The following KLHDC7B variants were observed in gnomAD, a reference collection of about 807,000 sequenced individuals.
KLHDC7B encodes kelch domain containing 7B.
In KLHDC7B, 1 loss-of-function variant was observed where a neutral mutation model predicts 0.6. The ratio of observed to expected loss-of-function variants is 1.71; its 90% CI spans 0.61 to 8.11. The LOEUF (loss-of-function observed/expected upper bound fraction) is 8.11. Ranked by LOEUF, KLHDC7B falls within the 30% of genes most tolerant of loss-of-function variation. The pLI, the probability that KLHDC7B is intolerant of heterozygous loss-of-function variation, is 0.13. For synonymous variants in KLHDC7B, 462 were observed against 405.2 expected (o/e 1.14, Z -1.68); for missense variants, 993 against 894.9 (o/e 1.11, Z -1.40).
chr22:50,548,310 C>G lies in KLHDC7B; in HGVS notation c.2067C>G (p.Val689=). ...RHGPSSSVGT[V]IGTGTGGLVE... is the part of the protein sequence containing the mutation. ...GCCCCTCTTCTTCAGTGGGGACAGT[C>G]ATAGGGACAGGTACAGGGGGCCTGG... Residue 689 remains valine (V), a synonymous_variant, in exon 1 of 1, where the codon GTC becomes GTG. Transcript: ENST00000648057. This position sits in a 1 kb window ranked among gnomAD's most constrained non-coding sequence, Gnocchi z 5.3. 6.4e-7 allele frequency: 1 copy of G among 1,551,120 alleles called. No individual in the cohort carries two copies. Among genetic ancestry groups the G allele is most frequent in the Non-Finnish European group, 8.7e-7 (1 of 1,146,952 alleles).
rs779937562 is a variant in KLHDC7B, at chr22:50,548,773, T to C, written c.2530T>C (p.Ser844Pro). The change falls in exon 1 of 1, where the codon TCC becomes CCC. Residue 844 changes from serine (S) to proline (P), a missense_variant. Transcript: ENST00000648057. The surrounding 1 kb of genome is among the most constrained non-coding windows in gnomAD (Gnocchi z 5.3). ...GVVEGPRKPSSRALEPATAAA... is the reference protein window; with the variant it reads ...GVVEGPRKPSPRALEPATAAA... ...GGTGGAGGGGCCCCGGAAGCCCAGC[T>C]CCCGGGCCCTGGAGCCCGCCACGGC... The C allele has an allele frequency of 6.9e-7, 1 of 1,448,404 alleles. No individual in the cohort carries two copies. The allele number at this position is 1,448,404 out of a possible 1,614,324, so 89.7% of individuals were successfully genotyped here.
Position 50,546,063 on chromosome 22 carries a change from C to T in KLHDC7B, c.-181C>T, listed in dbSNP as rs2069725692. Among the ~76,000 whole-genome samples, 1 of 152,166 alleles carries T rather than the reference C, an allele frequency of 6.6e-6. No individual in the cohort carries two copies. ...CTGTCTCCTGATATCTGCAGCCAGG[C>T]CCTACTGACACCCCCAGGCCTGAGT... On this transcript the variant is annotated 5_prime_UTR_variant, in exon 1 of 1. Coordinates refer to ENST00000648057, the MANE Select transcript of KLHDC7B (RefSeq NM_138433.5).
rs530293919 is a variant in KLHDC7B at position 50,547,036 on chromosome 22, G to C, written c.793G>C (p.Gly265Arg). Among the ~76,000 whole-genome samples the C allele has an allele frequency of 4.0e-5, 6 of 151,456 alleles. No homozygotes were observed. In the South Asian group the frequency reaches 6.2e-4, roughly 16 times the overall value. ...GGGGAGCGTGTGGGACGCGGTGGACGGGGCCGCCGCCCTGGACGCCCACGC... is the reference window on the plus strand; with the variant it reads ...GGGGAGCGTGTGGGACGCGGTGGACCGGGCCGCCGCCCTGGACGCCCACGC... ...AAGSVWDAVD[G>R]AAALDAHARG... The change falls in exon 1 of 1, where the codon GGG becomes CGG. Residue 265 changes from glycine to arginine, a missense_variant. Transcript: ENST00000648057.
At position 50,548,945 on chromosome 22, in the gene KLHDC7B, A is replaced by G; in HGVS notation, c.2702A>G (p.Tyr901Cys). Residue 901 changes from tyrosine to cysteine, a missense_variant, in exon 1 of 1, where the codon TAC becomes TGC. Transcript: ENST00000648057. The surrounding 1 kb of genome is among the most constrained non-coding windows in gnomAD (Gnocchi z 5.3). The part of the protein sequence containing the change: ...LLRVLGDPCL[Y>C]RRLSAADRER... ...CGAGTGCTGGGAGACCCGTGCCTCT[A>G]CCGCCGGCTGAGCGCGGCCGACCGC... is the stretch of plus-strand genomic sequence containing the variant. 3 of 1,597,242 alleles carry G rather than the reference A, an allele frequency of 1.9e-6. No homozygotes were observed. Among genetic ancestry groups the G allele is most frequent in the Non-Finnish European group, 2.6e-6 (3 of 1,173,628 alleles).
Position 50,548,421 on chromosome 22 carries a change from G to T in KLHDC7B, c.2178G>T (p.Glu726Asp). 1 of 1,570,500 alleles carries T rather than the reference G, an allele frequency of 6.4e-7. No individual in the cohort carries two copies. Among genetic ancestry groups the T allele is most frequent in the Non-Finnish European group, 8.6e-7 (1 of 1,157,876 alleles). Residue 726 changes from glutamate to aspartate, a missense_variant, in exon 1 of 1, where the codon GAG becomes GAT. By Grantham distance (45) the Glu-to-Asp change is conservative. Coordinates refer to ENST00000648057, the MANE Select transcript of KLHDC7B (RefSeq NM_138433.5). This position sits in a 1 kb window ranked among gnomAD's most constrained non-coding sequence, Gnocchi z 5.3. The stretch of plus-strand genomic sequence containing the variant: ...ACCCTCCCCCAGGCCTAAGAGGAGA[G>T]GGAACCAGGGAGAAAAGTCTAGACC... ...SPDPPPGLRG[E>D]GTREKSLDPL...
chr22:50,549,744 G>GCCCCCC lies in KLHDC7B; in HGVS notation c.3504_3505insCCCCCC (p.Pro1168_Ala1169insProPro). On this transcript the variant is annotated inframe_insertion, in exon 1 of 1. Coordinates refer to ENST00000648057, the MANE Select transcript of KLHDC7B (RefSeq NM_138433.5). ...GGAGCAGGGCTGCCTCCCTGCCCCT[G>GCCCCCC]CCCGCCCCCGCCCCACTGCACTGCA... 2 of 1,554,582 alleles carry GCCCCCC rather than the reference G, an allele frequency of 1.3e-6. No homozygotes were observed. The highest frequency in any genetic ancestry group is 3.9e-5 in the Admixed American group (2 of 50,754).
rs768712315 is a variant in KLHDC7B, at chr22:50,548,516, C to T, written c.2273C>T (p.Ala758Val). Residue 758 changes from alanine (A) to valine (V), a missense_variant, in exon 1 of 1, where the codon GCC becomes GTC. Transcript: ENST00000648057. This position sits in a 1 kb window ranked among gnomAD's most constrained non-coding sequence, Gnocchi z 5.3. ...PPAQRPPGPAASSSARRSQPV... is the reference protein window; with the variant it reads ...PPAQRPPGPAVSSSARRSQPV... Reference sequence around the variant, plus strand: ...GCGCAGAGGCCGCCTGGCCCCGCGGCCTCCTCCTCTGCGAGGCGCTCACAG... The same window carrying T: ...GCGCAGAGGCCGCCTGGCCCCGCGGTCTCCTCCTCTGCGAGGCGCTCACAG... 95 of 1,555,186 alleles carry T rather than the reference C, an allele frequency of 6.1e-5. No individual in the cohort carries two copies. Among genetic ancestry groups the T allele is most frequent in the Middle Eastern group, 5.1e-4 (3 of 5,908 alleles).
Position 50,546,579 on chromosome 22 carries a change from G to C in KLHDC7B, c.336G>C (p.Pro112=). 1 of 398,220 alleles carries C rather than the reference G, an allele frequency of 2.5e-6. No homozygotes were observed. Among genetic ancestry groups the C allele is most frequent in the Non-Finnish European group, 4.4e-6 (1 of 225,772 alleles). The allele number at this position is 398,220 out of a possible 1,614,324, so 24.7% of individuals were successfully genotyped here. Residue 112 remains proline (P), a synonymous_variant, in exon 1 of 1, where the codon CCG becomes CCC. Coordinates refer to ENST00000648057, the MANE Select transcript of KLHDC7B (RefSeq NM_138433.5). ...AGAGCCCTGTCCCTGCTGCAGCGCC[G>C]GGCGGGGGCCTGGCCGCCATGGCCC... ...GQQSPVPAAA[P]GGGLAAMARL...
At position 50,547,733 on chromosome 22, in the gene KLHDC7B, C is replaced by A; in HGVS notation, c.1490C>A (p.Thr497Asn). The change falls in exon 1 of 1, where the codon ACC becomes AAC. Residue 497 changes from threonine to asparagine, a missense_variant. Coordinates refer to ENST00000648057, the MANE Select transcript of KLHDC7B (RefSeq NM_138433.5). ...SPSSAPTSATTSTSSPTSAPA... is the reference protein window; with the variant it reads ...SPSSAPTSATNSTSSPTSAPA... ...AGCTCAGCACCAACCTCAGCCACCACCTCAACCTCATCCCCCACCTCAGCC... is the reference window on the plus strand; with the variant it reads ...AGCTCAGCACCAACCTCAGCCACCAACTCAACCTCATCCCCCACCTCAGCC... The A allele has an allele frequency of 2.0e-6, 1 of 489,206 alleles. No homozygotes were observed. The highest frequency in any genetic ancestry group is 3.2e-5 in the East Asian group (1 of 30,850). The allele number at this position is 489,206 out of a possible 1,614,324, so 30.3% of individuals were successfully genotyped here. A position where few individuals can be genotyped will look rare whatever the true frequency, so the allele number is the denominator to read the frequency against.
In KLHDC7B at chr22:50,548,585, C is replaced by T. The variant is rs894582758; in HGVS notation, c.2342C>T (p.Pro781Leu). Residue 781 changes from proline (P) to leucine (L), a missense_variant, in exon 1 of 1, where the codon CCG becomes CTG. By Grantham distance (98) the Pro-to-Leu change is moderately conservative (BLOSUM62 -3). Coordinates refer to ENST00000648057, the MANE Select transcript of KLHDC7B (RefSeq NM_138433.5). This position sits in a 1 kb window ranked among gnomAD's most constrained non-coding sequence, Gnocchi z 5.3. The part of the protein sequence containing the change: ...LRKRSRCEIA[P>L]SSEQEVRPAA... Reference sequence around the variant, plus strand: ...AAACGCAGCAGGTGCGAAATCGCCCCGAGCTCGGAGCAGGAGGTCAGGCCG... The same window carrying T: ...AAACGCAGCAGGTGCGAAATCGCCCTGAGCTCGGAGCAGGAGGTCAGGCCG... 5 of 1,546,476 alleles carry T rather than the reference C, an allele frequency of 3.2e-6. No homozygotes were observed. Among genetic ancestry groups the T allele is most frequent in the African/African-American group, 1.4e-5 (1 of 73,164 alleles).
rs1395917548 is a variant in KLHDC7B at position 50,548,387 on chromosome 22, C to G, written c.2144C>G (p.Pro715Arg). Residue 715 changes from proline (P) to arginine (R), a missense_variant, in exon 1 of 1, where the codon CCC becomes CGC. Transcript: ENST00000648057. This position sits in a 1 kb window ranked among gnomAD's most constrained non-coding sequence, Gnocchi z 5.3. ...QPRSSETNGSPSPDPPPGLRG... is the reference protein window; with the variant it reads ...QPRSSETNGSRSPDPPPGLRG... ...AGAAGCTCCGAGACCAACGGATCGCCCAGCCCAGACCCTCCCCCAGGCCTA... is the reference window on the plus strand; with the variant it reads ...AGAAGCTCCGAGACCAACGGATCGCGCAGCCCAGACCCTCCCCCAGGCCTA... 1.3e-6 allele frequency: 2 copies of G among 1,553,810 alleles called. No individual in the cohort carries two copies. Among genetic ancestry groups the G allele is most frequent in the East Asian group, 4.8e-5 (2 of 41,538 alleles).
In KLHDC7B at chr22:50,548,352, G is replaced by A. The variant is rs1314132938; in HGVS notation, c.2109G>A (p.Gln703=). ...GGGGCCTGGTTGAGGCTGGAGGTCA[G>A]CCACAGCCAAGAAGCTCCGAGACCA... is the stretch of plus-strand genomic sequence containing the variant. The part of the protein sequence containing the change: ...GTGGLVEAGG[Q]PQPRSSETNG... The change falls in exon 1 of 1, where the codon CAG becomes CAA. Residue 703 remains glutamine (Q), a synonymous_variant. Transcript: ENST00000648057. This position sits in a 1 kb window ranked among gnomAD's most constrained non-coding sequence, Gnocchi z 5.3. The A allele has an allele frequency of 6.4e-7, 1 of 1,550,846 alleles. No homozygotes were observed. Among genetic ancestry groups the A allele is most frequent in the Non-Finnish European group, 8.7e-7 (1 of 1,147,046 alleles).
chr22:50,547,904 CCCTAAG>C lies in KLHDC7B; in HGVS notation c.1664_1669del (p.Leu555_Ser556del). The C allele has an allele frequency of 2.6e-6, 1 of 389,860 alleles. No homozygotes were observed. Among genetic ancestry groups the C allele is most frequent in the Non-Finnish European group, 4.5e-6 (1 of 224,210 alleles). The allele number at this position is 389,860 out of a possible 1,614,324, so 24.2% of individuals were successfully genotyped here. A position where few individuals can be genotyped will look rare whatever the true frequency, so the allele number is the denominator to read the frequency against. ...GCCCTAACCCCAGTCCCAACCCCAG[CCCTAAG>C]CCCAGCTCCAACTCCAGCCCTAACC... On this transcript the variant is annotated inframe_deletion, in exon 1 of 1. Transcript: ENST00000648057.
rs2069793517 is a variant in KLHDC7B, at chr22:50,550,288, G to A, written c.*337G>A. On this transcript the variant is annotated 3_prime_UTR_variant, in exon 1 of 1. Coordinates refer to ENST00000648057, the MANE Select transcript of KLHDC7B (RefSeq NM_138433.5). ...GTCTCCACAGACAAGGACTTGGCTC[G>A]CTGGAGCTCTGCTGAGCCGAGAGAG... The A allele has an allele frequency of 3.2e-6, 1 of 314,902 alleles. No homozygotes were observed. The highest frequency in any genetic ancestry group is 6.2e-6 in the Non-Finnish European group (1 of 162,518). 19.5% of individuals were successfully genotyped at this position (314,902 alleles called of 1,614,324 possible).
Position 50,549,585 on chromosome 22 carries a change from G to C in KLHDC7B, c.3342G>C (p.Trp1114Cys). 6.4e-7 allele frequency: 1 copy of C among 1,573,164 alleles called. No homozygotes were observed. The highest frequency in any genetic ancestry group is 8.7e-7 in the Non-Finnish European group (1 of 1,155,732). Residue 1114 changes from tryptophan to cysteine, a missense_variant, in exon 1 of 1, where the codon TGG (tryptophan) becomes TGC (cysteine). By Grantham distance (215) the Trp-to-Cys change is radical. Coordinates refer to ENST00000648057, the MANE Select transcript of KLHDC7B (RefSeq NM_138433.5). ...GGTACAGCCCCGTGAAGGATGCTTG[G>C]GACGAGTGCCCATACAGTGCCAGCC... ...LLRYSPVKDAWDECPYSASHR... is the reference protein window; with the variant it reads ...LLRYSPVKDACDECPYSASHR...
Position 50,547,396 on chromosome 22 carries a change from C to A in KLHDC7B, c.1153C>A (p.Pro385Thr), listed in dbSNP as rs2069742536. Among the ~76,000 whole-genome samples, 2 of 151,948 alleles carry A rather than the reference C, an allele frequency of 1.3e-5. No individual in the cohort carries two copies. The highest frequency in any genetic ancestry group is 4.8e-5 in the African/African-American group (2 of 41,370). The change falls in exon 1 of 1, where the codon CCT (proline) becomes ACT (threonine). Residue 385 changes from proline (P) to threonine (T), a missense_variant. Transcript: ENST00000648057. The part of the protein sequence containing the change: ...AGADSSRDNS[P>T]AADLGPTRPP... ...GGCTGACAGCTCCCGAGATAACAGT[C>A]CTGCCGCTGACCTGGGGCCCACCCG...
rs1243404055 is a variant in KLHDC7B at position 50,548,855 on chromosome 22, C to T, written c.2612C>T (p.Ala871Val). Reference sequence around the variant, plus strand: ...AGTTGCCTGGACGTGCTGGCCTTTGCCCAGCAGCACGGAGAGCCCGGCCTG... The same window carrying T: ...AGTTGCCTGGACGTGCTGGCCTTTGTCCAGCAGCACGGAGAGCCCGGCCTG... ...LGSCLDVLAF[A>V]QQHGEPGLAQ... Residue 871 changes from alanine (A) to valine (V), a missense_variant, in exon 1 of 1, where the codon GCC becomes GTC. Ala to Val is a moderately conservative substitution (Grantham distance 64). Transcript: ENST00000648057. This position sits in a 1 kb window ranked among gnomAD's most constrained non-coding sequence, Gnocchi z 5.3. 2 of 1,554,788 alleles carry T rather than the reference C, an allele frequency of 1.3e-6. No homozygotes were observed. Among genetic ancestry groups the T allele is most frequent in the Middle Eastern group, 1.7e-4 (1 of 5,716 alleles).
chr22:50,547,614 T>C lies in KLHDC7B; in HGVS notation c.1371T>C (p.Asn457=). ...EVTQDPSVGE[N]LRAAPAPSSA... ...CCCAGGATCCTTCCGTGGGCGAAAATCTCAGAGCGGCGCCAGCCCCAAGTT... is the reference window on the plus strand; with the variant it reads ...CCCAGGATCCTTCCGTGGGCGAAAACCTCAGAGCGGCGCCAGCCCCAAGTT... The change falls in exon 1 of 1, where the codon AAT becomes AAC. Residue 457 remains asparagine, a synonymous_variant. Transcript: ENST00000648057. The C allele has an allele frequency of 5.0e-6, 2 of 402,148 alleles. No individual in the cohort carries two copies. The highest frequency in any genetic ancestry group is 8.8e-6 in the Non-Finnish European group (2 of 228,136). The allele number at this position is 402,148 out of a possible 1,614,324, so 24.9% of individuals were successfully genotyped here.
rs1156878305 is a variant in KLHDC7B at position 50,548,642 on chromosome 22, C to G, written c.2399C>G (p.Pro800Arg). The change falls in exon 1 of 1, where the codon CCG becomes CGG. Residue 800 changes from proline to arginine, a missense_variant. Transcript: ENST00000648057. This position sits in a 1 kb window ranked among gnomAD's most constrained non-coding sequence, Gnocchi z 5.3. Reference protein sequence around the residue: ...AASGDPQGEAPGEGGSPAGRS... With the variant: ...AASGDPQGEARGEGGSPAGRS... ...TCGGGGGACCCTCAAGGGGAGGCGC[C>G]GGGGGAGGGGGGCAGCCCTGCCGGC... 31 of 1,531,354 alleles carry G rather than the reference C, an allele frequency of 2.0e-5. No homozygotes were observed. Among genetic ancestry groups the G allele is most frequent in the Admixed American group, 1.0e-4 (5 of 48,932 alleles). The allele number at this position is 1,531,354 out of a possible 1,614,324, so 94.9% of individuals were successfully genotyped here. A position where few individuals can be genotyped will look rare whatever the true frequency, so the allele number is the denominator to read the frequency against.
Sources: allele counts gnomAD v4.1 joint callset (sites outside exome capture counted in the v4.1 genomes callset), GRCh38; gene constraint gnomAD v4.1.1; non-coding constraint Gnocchi (gnomAD v3.1); transcripts MANE v1.5; gene names NCBI Gene and HGNC (gene_info 2026-07-23, HGNC 2026-07-21).